Variants in YEATS2 observed in about 807,000 individuals in gnomAD.
YEATS2 encodes YEATS domain containing 2.
In YEATS2, 77 loss-of-function variants were observed where a neutral mutation model predicts 163.2. That is an observed-to-expected ratio of 0.47 (90% CI 0.39 to 0.57). The LOEUF is 0.57. Among genes scored for constraint, YEATS2 ranks in the 20% least tolerant of loss-of-function variants. The pLI is 0.00. For synonymous variants in YEATS2, 631 were observed against 645.1 expected, an observed-to-expected ratio of 0.98 and a Z score of 0.33; for missense variants, 1,549 against 1,729.8, an observed-to-expected ratio of 0.90 and a Z score of 1.85.
At chr3:183,709,696 G>A (rs1387573281) in intron 1 of YEATS2, among the ~76,000 whole-genome samples, 1 of 60,000 alleles carries the variant, frequency 1.7e-5, no homozygotes, top group African/African-American at 7.0e-5. Context: ...TTTTTTTTTT[G>A]AGACAGAGTC....
intron 12 of YEATS2, among the ~76,000 whole-genome samples, chr3:183,758,594 A>G (rs1721010688): frequency 6.6e-6 from 1 of 152,182 alleles, no homozygotes; most frequent in Non-Finnish European, 1.5e-5. Context: ...TTGTACAAGG[A>G]GTAGTCTAAA....
intron 21 of YEATS2, among the ~76,000 whole-genome samples, chr3:183,795,483 T>TTA (rs146253574): frequency 0.016 from 1,959 of 123,960 alleles, 163 homozygotes; most frequent in African/African-American, 0.048. Context: ...TTTTTTTTTT[T>TTA]AGAGACGGGG....
chr3:183,773,757 C>CA lies in YEATS2; in HGVS notation c.2331_2332insA (p.Pro778ThrfsTer13). 6.2e-7 allele frequency: 1 copy of CA among 1,613,278 alleles called. No individual in the cohort carries two copies. Among genetic ancestry groups the CA allele is most frequent in the Non-Finnish European group, 8.5e-7 (1 of 1,179,750 alleles). ...CAGGAAAAGGAAAACTGCTGCTGATCCCTCAAGGAGCCATCCTGCGAGCTA... is the reference window on the plus strand; with the variant it reads ...CAGGAAAAGGAAAACTGCTGCTGATCACCTCAAGGAGCCATCCTGCGAGCTA... On this transcript the variant is annotated frameshift_variant, in exon 17 of 31. Transcript: ENST00000305135. LOFTEE classifies it high-confidence loss of function.
chr3:183,762,309 A>G (rs1721448542), intron 15 of YEATS2, 30 bp downstream of exon 15: 1 of 1,521,266 alleles, frequency 6.6e-7, no homozygotes, highest in African/African-American at 1.4e-5. Context: ...GGGAAATTTC[A>G]CATGTAAATG....
intron 29 of YEATS2, among the ~76,000 whole-genome samples, chr3:183,808,331 G>GTAT: frequency 6.6e-6 from 1 of 152,142 alleles, no homozygotes; most frequent in East Asian, 1.9e-4. Flanking sequence ...CTCCTAAGAC[G>GTAT]TATTCTGGGG....
intron 15 of YEATS2, among the ~76,000 whole-genome samples, chr3:183,763,418 T>G (rs956936725): frequency 6.6e-6 from 1 of 152,244 alleles, no homozygotes; most frequent in Non-Finnish European, 1.5e-5. Flanking sequence ...ATATATGCAG[T>G]CTGTCATTGA....
intron 8 of YEATS2, among the ~76,000 whole-genome samples, chr3:183,745,401 A>C (rs1719423829): frequency 6.6e-6 from 1 of 152,144 alleles, no homozygotes; most frequent in Non-Finnish European, 1.5e-5. Context: ...TCCCCTGATG[A>C]ACATTCTGCT....
At position 183,793,613 on chromosome 3, in the gene YEATS2, T is replaced by C. The variant is rs75932303; in HGVS notation, c.3097+2633T>C. 566 of 230,396 alleles carry C rather than the reference T, an allele frequency of 2.5e-3. 6 individuals are homozygous for C. The highest frequency in any genetic ancestry group is 0.014 in the African/African-American group (546 of 39,294). 14.3% of individuals were successfully genotyped at this position (230,396 alleles called of 1,614,324 possible). ...TGTATCACATTTTCTTTCTTTCTTT[T>C]TTTTTTTTTTTTTTTTGAGATGGAA... On this transcript the variant is annotated intron_variant, in intron 21 of 30. Coordinates refer to ENST00000305135, the MANE Select transcript of YEATS2 (RefSeq NM_018023.5).
chr3:183,778,936 G>T (rs1199071180), intron 19 of YEATS2, among the ~76,000 whole-genome samples: 1 of 151,898 alleles, frequency 6.6e-6, no homozygotes, highest in Non-Finnish European at 1.5e-5. Flanking sequence ...GACTGTTCAG[G>T]TTGTTTATTT....
intron 20 of YEATS2, among the ~76,000 whole-genome samples, chr3:183,786,640 T>C (rs1436401734): frequency 1.3e-5 from 2 of 152,340 alleles, no homozygotes; most frequent in Admixed American, 6.5e-5. Flanking sequence ...TTGCCTATTT[T>C]AGACATTTCA....
rs1560277607 is a variant in YEATS2 at position 183,756,582 on chromosome 3, C to G, written c.1445C>G (p.Thr482Ser). 6.2e-7 allele frequency: 1 copy of G among 1,607,520 alleles called. No individual in the cohort carries two copies. The change falls in exon 12 of 31, where the codon ACT (threonine) becomes AGT (serine). Residue 482 changes from threonine (T) to serine (S), a missense_variant. Coordinates refer to ENST00000305135, the MANE Select transcript of YEATS2 (RefSeq NM_018023.5). ...PSPLPRTPTS[T>S]PVHVKQGTAG... Reference sequence around the variant, plus strand: ...CCATTGCCTCGAACCCCGACTTCCACTCCAGTCCACGTGAAGCAAGGCACT... The same window carrying G: ...CCATTGCCTCGAACCCCGACTTCCAGTCCAGTCCACGTGAAGCAAGGCACT...
intron 27 of YEATS2, chr3:183,806,162 T>C (rs1359269002): frequency 7.8e-6 from 3 of 385,368 alleles, no homozygotes; most frequent in Non-Finnish European, 1.5e-5. Context: ...CCATCGTAAG[T>C]TGAAAATATC....
chr3:183,784,511 G>A (rs371948475), intron 19 of YEATS2, among the ~76,000 whole-genome samples: 5 of 152,072 alleles, frequency 3.3e-5, no homozygotes, highest in African/African-American at 7.2e-5. Context: ...GACCTTTGTC[G>A]GATGTATGGT....
At chr3:183,716,862 T>A (rs13062790) in intron 2 of YEATS2, among the ~76,000 whole-genome samples, 26,601 of 151,870 alleles carry the variant, frequency 0.18, 2,580 homozygotes, top group East Asian at 0.33. Context: ...TCAAAGTAGA[T>A]TTGGTGGGAT....
At chr3:183,730,485 T>C (rs1305784145) in intron 7 of YEATS2, among the ~76,000 whole-genome samples, 1 of 152,168 alleles carries the variant, frequency 6.6e-6, no homozygotes, top group Non-Finnish European at 1.5e-5. Context: ...CATGGCTGCC[T>C]CCTGAGAACT....
chr3:183,728,043 A>T (rs1717303243), intron 6 of YEATS2, among the ~76,000 whole-genome samples: 1 of 151,692 alleles, frequency 6.6e-6, no homozygotes, highest in African/African-American at 2.4e-5. Context: ...TATTTATTTT[A>T]TTATTTTATT....
chr3:183,770,177 A>G (rs1722309695), intron 15 of YEATS2, among the ~76,000 whole-genome samples: 1 of 151,546 alleles, frequency 6.6e-6, no homozygotes, highest in Non-Finnish European at 1.5e-5. Flanking sequence ...TCACGAGGTC[A>G]GGAGATCAAG....
chr3:183,724,080 AAT>A (rs1716814162), intron 5 of YEATS2, among the ~76,000 whole-genome samples: 1 of 152,202 alleles, frequency 6.6e-6, no homozygotes, highest in Non-Finnish European at 1.5e-5. Flanking sequence ...AAAGAGGGTA[AAT>A]TCCATTGACC....
chr3:183,790,573 T>C (rs1280353388), intron 20 of YEATS2, among the ~76,000 whole-genome samples: 3 of 152,212 alleles, frequency 2.0e-5, no homozygotes, highest in African/African-American at 7.2e-5. Flanking sequence ...CCATGATACT[T>C]CCTTGTTTTA....
Sources: allele counts gnomAD v4.1 joint callset (sites outside exome capture counted in the v4.1 genomes callset), GRCh38; gene constraint gnomAD v4.1.1; transcripts MANE v1.5; gene names NCBI Gene and HGNC (gene_info 2026-07-23, HGNC 2026-07-21).